The following FOXK2 variants were observed in gnomAD, a reference collection of about 807,000 sequenced individuals.
The protein encoded by FOXK2 is forkhead box protein K2.
Under a neutral mutation model 53.3 loss-of-function variants are expected in FOXK2, and 24 were observed. That is an observed-to-expected ratio of 0.45 (90% CI 0.33 to 0.63). The LOEUF (loss-of-function observed/expected upper bound fraction) is 0.63. FOXK2 is among the 30% of genes least tolerant of loss of function. The pLI is 0.03. For missense variants in FOXK2, 952 were observed against 910.5 expected (o/e 1.05, Z -0.59); for synonymous variants, 505 against 407.1 (o/e 1.24, Z -2.89).
chr17:82,584,794 C>T (rs1360877774), intron 6 of FOXK2, among the ~76,000 whole-genome samples: 1 of 152,214 alleles, frequency 6.6e-6, no homozygotes, highest in African/African-American at 2.4e-5. Context: ...CCTCATGATC[C>T]ACCTGCCTTG....
chr17:82,554,783 C>T (rs1221570004), intron 1 of FOXK2, among the ~76,000 whole-genome samples: 1 of 149,398 alleles, frequency 6.7e-6, no homozygotes, highest in East Asian at 2.0e-4. Flanking sequence ...CTCGCTCTGT[C>T]GCCCAGGCTG....
intron 1 of FOXK2, among the ~76,000 whole-genome samples, chr17:82,562,542 T>C (rs2044808021): frequency 6.6e-6 from 1 of 151,848 alleles, no homozygotes; most frequent in East Asian, 1.9e-4. Flanking sequence ...ATAGCACCAT[T>C]GCACTCCATT....
chr17:82,550,098 C>G (rs563165054), intron 1 of FOXK2, among the ~76,000 whole-genome samples: 1 of 152,146 alleles, frequency 6.6e-6, no homozygotes, highest in Non-Finnish European at 1.5e-5. Flanking sequence ...ATTCAGGAGG[C>G]TGAGGCGGGA....
intron 1 of FOXK2, among the ~76,000 whole-genome samples, chr17:82,561,014 G>A (rs1210055213): frequency 6.6e-6 from 1 of 152,168 alleles, no homozygotes; most frequent in Non-Finnish European, 1.5e-5. Flanking sequence ...GCCTCCCAAA[G>A]TGCTAGGATT....
chr17:82,572,869 C>T (rs1339406883), intron 4 of FOXK2, among the ~76,000 whole-genome samples: 1 of 151,940 alleles, frequency 6.6e-6, no homozygotes, highest in Non-Finnish European at 1.5e-5. Flanking sequence ...TTTGTTTTAA[C>T]CACAGATGTA....
In FOXK2 at chr17:82,587,067, A is replaced by C. The variant is rs769614403; in HGVS notation, c.1581A>C (p.Lys527Asn). ...ENGDHREVKV[K>N]VEPIPAIGHA... The stretch of plus-strand genomic sequence containing the variant: ...TTTCTTTTCCTTTAATTTCAGTGAA[A>C]GTAGAGCCTATTCCCGCCATTGGCC... The change falls in exon 8 of 9, where the codon AAA (lysine) becomes AAC (asparagine). Residue 527 changes from lysine (K) to asparagine (N), a missense_variant. Lys to Asn is a moderately conservative substitution (Grantham distance 94). Transcript: ENST00000335255. 7 of 1,612,726 alleles carry C rather than the reference A, an allele frequency of 4.3e-6. No individual in the cohort carries two copies. In the South Asian group the frequency reaches 7.7e-5, roughly 18 times the overall value.
chr17:82,536,927 A>G (rs2044525999), intron 1 of FOXK2, among the ~76,000 whole-genome samples: 1 of 152,258 alleles, frequency 6.6e-6, no homozygotes, highest in Non-Finnish European at 1.5e-5. Flanking sequence ...TAGGCAAAAC[A>G]GAAGAGGAGT....
rs374140675 is a variant in FOXK2 at position 82,582,882 on chromosome 17, C to T, written c.1051C>T (p.Arg351Trp). 7 of 1,613,040 alleles carry T rather than the reference C, an allele frequency of 4.3e-6. No homozygotes were observed. Among genetic ancestry groups the T allele is most frequent in the African/African-American group, 4.0e-5 (3 of 74,998 alleles). ...AATAGAACAGGCTTTTAGGAAACGA[C>T]GGCCTAGGGGCGTGCCCTGCTTTAG... is the stretch of plus-strand genomic sequence containing the variant. Reference protein sequence around the residue: ...KLIEQAFRKRRPRGVPCFRTP... With the variant: ...KLIEQAFRKRWPRGVPCFRTP... Residue 351 changes from arginine (R) to tryptophan (W), a missense_variant, in exon 5 of 9, where the codon CGG (arginine) becomes TGG (tryptophan). Arg to Trp is a moderately radical substitution (Grantham distance 101). Around this residue, in one of 5 missense-constraint regions of FOXK2, gnomAD observed 160 missense variants for 214.2 expected, o/e 0.75. Transcript: ENST00000335255.
At chr17:82,562,589 A>G (rs2044808859) in intron 1 of FOXK2, among the ~76,000 whole-genome samples, 1 of 152,022 alleles carries the variant, frequency 6.6e-6, no homozygotes, top group Admixed American at 6.6e-5. Flanking sequence ...TCTAAAAAAA[A>G]AAAGGAAAGG....
chr17:82,536,154 A>G (rs1478933710), intron 1 of FOXK2, among the ~76,000 whole-genome samples: 1 of 152,150 alleles, frequency 6.6e-6, no homozygotes, highest in Non-Finnish European at 1.5e-5. Flanking sequence ...CTGGGATTAC[A>G]GGTGTGAGCT....
intron 1 of FOXK2, among the ~76,000 whole-genome samples, chr17:82,561,030 TGTGA>T (rs1447815275): frequency 6.6e-6 from 1 of 152,178 alleles, no homozygotes; most frequent in Non-Finnish European, 1.5e-5. Flanking sequence ...GGATTACAGA[TGTGA>T]GTCACTGCCC....
intron 3 of FOXK2, among the ~76,000 whole-genome samples, chr17:82,571,182 C>G (rs1413675972): frequency 6.6e-6 from 1 of 152,200 alleles, no homozygotes; most frequent in African/African-American, 2.4e-5. Flanking sequence ...CCACTGAGGT[C>G]AAGCAGCCTT....
intron 1 of FOXK2, among the ~76,000 whole-genome samples, chr17:82,521,784 A>AC (rs2044364838): frequency 6.8e-6 from 1 of 147,554 alleles, no homozygotes; most frequent in South Asian, 2.2e-4. Flanking sequence ...CAAAAAAAAA[A>AC]AAAAAATTAG....
intron 4 of FOXK2, among the ~76,000 whole-genome samples, chr17:82,575,669 T>A (rs1434878300): frequency 6.6e-6 from 1 of 152,172 alleles, no homozygotes; most frequent in Admixed American, 6.5e-5. Flanking sequence ...CACGTGGAAC[T>A]TTTATGTAGA....
At chr17:82,529,865 T>G (rs758128378) in intron 1 of FOXK2, among the ~76,000 whole-genome samples, 156 of 152,314 alleles carry the variant, frequency 1.0e-3, no homozygotes, top group Middle Eastern at 3.4e-3. Context: ...CATTGTTACG[T>G]TTGTAATGTG....
At position 82,602,987 on chromosome 17, in the gene FOXK2, G is replaced by A. The variant is rs1026400197; in HGVS notation, c.*1488G>A. The A allele has an allele frequency of 2.2e-4, 33 of 152,700 alleles. No individual in the cohort carries two copies. Among genetic ancestry groups the A allele is most frequent in the African/African-American group, 7.9e-4 (33 of 41,558 alleles). The allele number at this position is 152,700 out of a possible 1,614,324, so 9.5% of individuals were successfully genotyped here. A position where few individuals can be genotyped will look rare whatever the true frequency, so the allele number is the denominator to read the frequency against. On this transcript the variant is annotated 3_prime_UTR_variant, in exon 9 of 9. Transcript: ENST00000335255. Reference sequence around the variant, plus strand: ...AAATAGGGATGAAATGGCTCAGAATGGTATATTTAGGCAATTTTAAAACAT... The same window carrying A: ...AAATAGGGATGAAATGGCTCAGAATAGTATATTTAGGCAATTTTAAAACAT...
At chr17:82,593,408 GCA>G (rs1280813807) in intron 8 of FOXK2, 1 of 152,568 alleles carries the variant, frequency 6.6e-6, no homozygotes, top group East Asian at 1.9e-4. Flanking sequence ...AGAGCGATAG[GCA>G]CAGAGGAAGG....
chr17:82,559,205 T>C, intron 1 of FOXK2: 1 of 380,424 alleles, frequency 2.6e-6, no homozygotes, highest in East Asian at 7.4e-5. Context: ...AGTAGTACAG[T>C]GTTTGATTTG....
In FOXK2 at chr17:82,543,869, C is replaced by T. The variant is rs560255404; in HGVS notation, c.420-19485C>T. On this transcript the variant is annotated intron_variant, in intron 1 of 8. Coordinates refer to ENST00000335255, the MANE Select transcript of FOXK2 (RefSeq NM_004514.4). ...TTGGCTCATTGCAAGCTCCGCCTCC[C>T]GGGTTCATGCCATTCTCCTGCCTCA... Among the ~76,000 whole-genome samples the T allele has an allele frequency of 4.0e-5, 6 of 151,132 alleles. No homozygotes were observed. The South Asian group carries it at 6.3e-4, about 16-fold the overall frequency.
Sources: allele counts gnomAD v4.1 joint callset (sites outside exome capture counted in the v4.1 genomes callset), GRCh38; gene constraint gnomAD v4.1.1; regional missense constraint gnomAD v4.1.1; transcripts MANE v1.5; gene names NCBI Gene and HGNC (gene_info 2026-07-23, HGNC 2026-07-21).